Variants in CYP4X1 observed in about 807,000 individuals in gnomAD.
CYP4X1 encodes the protein cytochrome P450 4X1.
CYP4X1 carries 44 observed loss-of-function variants against 57.9 expected under a neutral mutation model. The observed-to-expected ratio is 0.76, with a 90% confidence interval of 0.60 to 0.98. The LOEUF is 0.98. CYP4X1 is among the 50% of genes least tolerant of loss of function. CYP4X1 has a pLI of 0.00. For synonymous variants in CYP4X1, 227 were observed against 228.6 expected (o/e 0.99, Z 0.06); for missense variants, 532 against 623.9 (o/e 0.85, Z 1.57).
At chr1:46,994,851 T>C in the CYP4X1 span, among the ~76,000 whole-genome samples, 7 of 152,196 alleles carry the variant, frequency 4.6e-5, no homozygotes, top group Non-Finnish European at 1.5e-5. Context: ...ACTGTGACTT[T>C]AGGAATTTAT....
intron 9 of CYP4X1, among the ~76,000 whole-genome samples, chr1:47,047,462 T>A (rs944816597): frequency 6.6e-6 from 1 of 152,188 alleles, no homozygotes; most frequent in Non-Finnish European, 1.5e-5. Context: ...ACCCTCACAT[T>A]CTCTCTCCTT....
the CYP4X1 span, among the ~76,000 whole-genome samples, chr1:46,989,182 AT>A: frequency 2.6e-5 from 4 of 152,330 alleles, no homozygotes; most frequent in African/African-American, 9.6e-5. Context: ...CCTTAAGCTG[AT>A]AAGAAACTTC....
At chr1:46,993,570 T>C in the CYP4X1 span, among the ~76,000 whole-genome samples, 1 of 152,230 alleles carries the variant, frequency 6.6e-6, no homozygotes, top group Non-Finnish European at 1.5e-5. Flanking sequence ...GTGTTCCTAG[T>C]TCTCCACATC....
intron 3 of CYP4X1, 96 bp from the exon 4 acceptor site, chr1:47,033,145 G>A: frequency 7.2e-7 from 1 of 1,386,468 alleles, no homozygotes; most frequent in Non-Finnish European, 9.8e-7. Flanking sequence ...ATGACTGCCT[G>A]TGGGTCATGG....
the CYP4X1 span, among the ~76,000 whole-genome samples, chr1:46,985,507 G>A: frequency 9.2e-5 from 14 of 152,152 alleles, no homozygotes; most frequent in African/African-American, 2.4e-4. Context: ...CACAGCGTTC[G>A]AGCTCTGCTA....
At chr1:46,966,215 G>C in the CYP4X1 span, among the ~76,000 whole-genome samples, 7 of 152,186 alleles carry the variant, frequency 4.6e-5, no homozygotes, top group African/African-American at 1.4e-4. Flanking sequence ...TGGAAATGGG[G>C]CCCACAGAAT....
At chr1:46,967,989 C>T in the CYP4X1 span, 2 of 271,590 alleles carry the variant, frequency 7.4e-6, no homozygotes, top group Non-Finnish European at 6.7e-6. Flanking sequence ...TGTGGTTCTG[C>T]AGTGTGGAAG....
At chr1:47,021,142 C>CAAAAAAAAAAAAA (rs546594827), upstream of CYP4X1, among the ~76,000 whole-genome samples, 87 of 47,456 alleles carry the variant, frequency 1.8e-3, 13 homozygotes, top group East Asian at 4.2e-3. Flanking sequence ...GCAGGAATGC[C>CAAAAAAAAAAAAA]AAAAAAAAAA....
the CYP4X1 span, chr1:46,967,735 C>T: frequency 1.0e-3 from 1,261 of 1,207,108 alleles, 1 homozygote; most frequent in Non-Finnish European, 1.3e-3. Context: ...GTGGATTCCA[C>T]TTTTGAACTT....
At chr1:46,988,406 TA>T in the CYP4X1 span, among the ~76,000 whole-genome samples, 2 of 151,566 alleles carry the variant, frequency 1.3e-5, no homozygotes, top group African/African-American at 4.8e-5. Flanking sequence ...AGCCTACCAA[TA>T]AAAAAAGTCC....
intron 8 of CYP4X1, among the ~76,000 whole-genome samples, chr1:47,043,973 C>T (rs1376646518): frequency 6.6e-6 from 1 of 152,130 alleles, no homozygotes; most frequent in Non-Finnish European, 1.5e-5. Context: ...CGCATTCACT[C>T]TATGTGTGTT....
At chr1:46,967,015 A>T in the CYP4X1 span, among the ~76,000 whole-genome samples, 1 of 152,256 alleles carries the variant, frequency 6.6e-6, no homozygotes, top group Non-Finnish European at 1.5e-5. Flanking sequence ...TTAATTTTAC[A>T]TGTTAACTTG....
chr1:46,965,609 G>A, the CYP4X1 span, among the ~76,000 whole-genome samples: 10 of 152,210 alleles, frequency 6.6e-5, no homozygotes, highest in East Asian at 9.6e-4. Context: ...CTGTCCCAGC[G>A]GGGTACTGAG....
chr1:47,006,037 T>G, the CYP4X1 span, among the ~76,000 whole-genome samples: 2 of 152,220 alleles, frequency 1.3e-5, no homozygotes, highest in Non-Finnish European at 2.9e-5. Context: ...ATCACTAACT[T>G]TAAAATGATA....
intron 4 of CYP4X1, among the ~76,000 whole-genome samples, chr1:47,034,498 GAC>G (rs1195451748): frequency 2.0e-5 from 3 of 152,106 alleles, no homozygotes; most frequent in Non-Finnish European, 2.9e-5. Flanking sequence ...CACAAACAAA[GAC>G]AAAGTTTTCC....
In CYP4X1 at chr1:47,023,746, G is replaced by C. The variant is rs1480744517; in HGVS notation, c.-72G>C. 6.5e-7 allele frequency: 1 copy of C among 1,544,160 alleles called. No individual in the cohort carries two copies. Among genetic ancestry groups the C allele is most frequent in the Non-Finnish European group, 8.7e-7 (1 of 1,146,556 alleles). The stretch of plus-strand genomic sequence containing the variant: ...CGGTGGGGTGGGCGACCCTACGCCA[G>C]CTCCGGGCGGGAGAAAGCCCACCCT... On this transcript the variant is annotated 5_prime_UTR_variant, in exon 1 of 12. Transcript: ENST00000371901.
chr1:47,046,423 A>G (rs1382259018), intron 8 of CYP4X1, 44 bp from the exon 9 acceptor site: 1 of 1,603,668 alleles, frequency 6.2e-7, no homozygotes, highest in South Asian at 1.1e-5. Context: ...AAAAAAGTAA[A>G]CTGGTTATGA....
rs895549901 is a variant in CYP4X1, at chr1:47,049,344, G to C, written c.1273-78G>C. On this transcript the variant is annotated intron_variant, in intron 10 of 11. Transcript: ENST00000371901. ...ATGTAGATCACATTATATTTCTATT[G>C]ATCGGTGCTAGGTGGTAGGTGAAGA... The C allele has an allele frequency of 1.3e-5, 13 of 1,027,932 alleles. No individual in the cohort carries two copies. In the East Asian group the frequency reaches 2.9e-4, roughly 23 times the overall value. The allele number at this position is 1,027,932 out of a possible 1,614,324, so 63.7% of individuals were successfully genotyped here. A position where few individuals can be genotyped will look rare whatever the true frequency, so the allele number is the denominator to read the frequency against.
At chr1:47,046,382 T>A in intron 8 of CYP4X1, 85 bp from the exon 9 acceptor site, 1 of 1,569,604 alleles carries the variant, frequency 6.4e-7, no homozygotes, top group Non-Finnish European at 8.7e-7. Flanking sequence ...AACCTGAGGG[T>A]AATAATTACC....
Sources: gnomAD v4.1 joint callset for allele counts (sites outside exome capture counted in the v4.1 genomes callset) on GRCh38, gnomAD v4.1.1 for gene constraint, MANE v1.5 for transcripts, NCBI Gene and HGNC (gene_info 2026-07-23, HGNC 2026-07-21) for gene names.